Variants in AKAP3 observed in about 807,000 individuals in gnomAD.
AKAP3 encodes the protein A-kinase anchoring protein 3.
In AKAP3, 27 loss-of-function variants were observed where a neutral mutation model predicts 57.2. The observed-to-expected ratio is 0.47, with a 90% CI of 0.35 to 0.65. The LOEUF (loss-of-function observed/expected upper bound fraction) is 0.65. Ranked by LOEUF, AKAP3 falls within the 30% of genes least tolerant of loss-of-function variation. The pLI is 0.01. For synonymous variants in AKAP3, 334 were observed against 392.3 expected (o/e 0.85, Z 1.76); for missense variants, 959 against 1,040.0 (o/e 0.92, Z 1.07).
chr12:4,621,386 CCACT>C (rs1479300937), intron 5 of AKAP3, among the ~76,000 whole-genome samples: 1 of 152,188 alleles, frequency 6.6e-6, no homozygotes, highest in Non-Finnish European at 1.5e-5. Flanking sequence ...CATTCACTCA[CCACT>C]CAGTCACTCA....
intron 5 of AKAP3, among the ~76,000 whole-genome samples, chr12:4,618,207 C>T (rs920789644): frequency 6.6e-6 from 1 of 151,926 alleles, no homozygotes; most frequent in Non-Finnish European, 1.5e-5. Context: ...AAAATATAAC[C>T]CAAGTGTATG....
At position 4,628,446 on chromosome 12, in the gene AKAP3, G is replaced by A; in HGVS notation, c.456C>T (p.Asn152=). ...EINEKIDGSE[N]KCVYQSLYMG... is the part of the protein sequence containing the mutation. ...TGTACAATGACTGATAGACACATTTGTTTTCAGAGCCATCGATCTTCTCAT... is the reference window on the plus strand; with the variant it reads ...TGTACAATGACTGATAGACACATTTATTTTCAGAGCCATCGATCTTCTCAT... The change falls in exon 5 of 6, where the codon AAC becomes AAT. Residue 152 remains asparagine (N), a synonymous_variant. Transcript: ENST00000228850. 6.2e-7 allele frequency: 1 copy of A among 1,614,156 alleles called. No individual in the cohort carries two copies. The highest frequency in any genetic ancestry group is 2.2e-5 in the East Asian group (1 of 44,880).
At position 4,628,157 on chromosome 12, in the gene AKAP3, G is replaced by A. The variant is rs749375251; in HGVS notation, c.745C>T (p.Arg249Cys). 32 of 1,613,992 alleles carry A rather than the reference G, an allele frequency of 2.0e-5. No homozygotes were observed. The African/African-American group carries it at 2.8e-4, about 14-fold the overall frequency. ...CCCTCTCTGGCATAATCTCCATTAC[G>A]AGATTCAAACACTTCCTTATAGAAG... ...SFFYKEVFES[R>C]NGDYAREGGR... The change falls in exon 5 of 6, where the codon CGT becomes TGT. Residue 249 changes from arginine to cysteine, a missense_variant. Arg to Cys is a radical substitution (Grantham distance 180). Coordinates refer to ENST00000228850, the MANE Select transcript of AKAP3 (RefSeq NM_001278309.2).
At chr12:4,630,077 T>C (rs1174454570) in intron 4 of AKAP3, among the ~76,000 whole-genome samples, 1 of 152,212 alleles carries the variant, frequency 6.6e-6, no homozygotes, top group Non-Finnish European at 1.5e-5. Flanking sequence ...TATTATCAAA[T>C]GTAAAGAATC....
chr12:4,620,778 T>C (rs186510603), intron 5 of AKAP3, among the ~76,000 whole-genome samples: 12 of 152,336 alleles, frequency 7.9e-5, no homozygotes, highest in African/African-American at 2.9e-4. Context: ...GCCAGTTATA[T>C]AAAAGTCTAG....
At chr12:4,636,008 T>G in intron 4 of AKAP3, 3 of 1,487,870 alleles carry the variant, frequency 2.0e-6, no homozygotes, top group Non-Finnish European at 1.9e-6. Flanking sequence ...CCAATGGTAC[T>G]CTCTTGAAAT....
At chr12:4,640,875 G>T (rs943650116) in intron 3 of AKAP3, among the ~76,000 whole-genome samples, 3 of 152,030 alleles carry the variant, frequency 2.0e-5, no homozygotes, top group African/African-American at 7.2e-5. Flanking sequence ...GTTTTGGGTT[G>T]GGGAAACTTA....
intron 5 of AKAP3, among the ~76,000 whole-genome samples, chr12:4,620,689 T>C (rs571803900): frequency 6.6e-6 from 1 of 152,260 alleles, no homozygotes; most frequent in Admixed American, 6.5e-5. Context: ...TTTCTAGTGA[T>C]ATCATAGTTA....
At chr12:4,637,481 T>C (rs1411589519) in intron 4 of AKAP3, among the ~76,000 whole-genome samples, 3 of 152,196 alleles carry the variant, frequency 2.0e-5, no homozygotes, top group Non-Finnish European at 2.9e-5. Context: ...GCTTTCTGCA[T>C]TTGTTATTTC....
chr12:4,634,394 A>T (rs1945538916), intron 4 of AKAP3, among the ~76,000 whole-genome samples: 1 of 152,194 alleles, frequency 6.6e-6, no homozygotes, highest in Non-Finnish European at 1.5e-5. Flanking sequence ...GCAACTCTTA[A>T]ATATTACAGA....
intron 4 of AKAP3, among the ~76,000 whole-genome samples, chr12:4,629,725 AT>A (rs1772464497): frequency 1.3e-5 from 2 of 152,248 alleles, no homozygotes; most frequent in South Asian, 4.1e-4. Flanking sequence ...ATTAATTGCT[AT>A]TTTCTATGGT....
chr12:4,640,677 A>G (rs1945626131), intron 3 of AKAP3, among the ~76,000 whole-genome samples: 1 of 152,254 alleles, frequency 6.6e-6, no homozygotes, highest in African/African-American at 2.4e-5. Flanking sequence ...TCATTTTCAC[A>G]CAGGAATCAC....
chr12:4,635,652 T>A (rs876586), intron 4 of AKAP3: 190,127 of 776,494 alleles, frequency 0.24, 26,455 homozygotes, highest in Middle Eastern at 0.37. Context: ...TTAACCCAAT[T>A]TTTTGCTCTT....
At chr12:4,648,183 G>A (rs1448931140) in intron 1 of AKAP3, among the ~76,000 whole-genome samples, 4 of 152,190 alleles carry the variant, frequency 2.6e-5, no homozygotes. Flanking sequence ...GCTCTTTGTA[G>A]AACAATGCAG....
Position 4,626,744 on chromosome 12 carries a change from C to A in AKAP3, c.2158G>T (p.Ala720Ser). 6.2e-7 allele frequency: 1 copy of A among 1,614,058 alleles called. No individual in the cohort carries two copies. The highest frequency in any genetic ancestry group is 8.5e-7 in the Non-Finnish European group (1 of 1,180,008). ...GCTTCTGCTGACCCTGTGCCCTTGG[C>A]TGGTAAGCACTCATATAAACTATCT... ...FPDSLYECLP[A>S]KGTGSAEAVL... The change falls in exon 5 of 6, where the codon GCC (alanine) becomes TCC (serine). Residue 720 changes from alanine to serine, a missense_variant. Transcript: ENST00000228850.
rs566414743 is a variant in AKAP3, at chr12:4,617,651, C to T, written c.2407-1757G>A. Among the ~76,000 whole-genome samples, 725 of 150,716 alleles carry T rather than the reference C, an allele frequency of 4.8e-3. 3 individuals are homozygous for T. The highest frequency in any genetic ancestry group is 7.8e-3 in the Non-Finnish European group (529 of 67,880). On this transcript the variant is annotated intron_variant, in intron 5 of 5. Transcript: ENST00000228850. ...CCTGTAATCCCAGCTACTCGAGAGG[C>T]GGAGGCAAGAGAATTGCTTGAACCC...
At chr12:4,633,126 A>C (rs929566693) in intron 4 of AKAP3, among the ~76,000 whole-genome samples, 4 of 151,546 alleles carry the variant, frequency 2.6e-5, no homozygotes, top group South Asian at 4.2e-4. Context: ...TAAAAAAAAA[A>C]AAAACAAAAA....
chr12:4,629,668 T>C (rs753625269), intron 4 of AKAP3, among the ~76,000 whole-genome samples: 13 of 152,204 alleles, frequency 8.5e-5, no homozygotes, highest in Non-Finnish European at 1.8e-4. Flanking sequence ...ATCAGCTAGA[T>C]AGAAGAGTTA....
intron 4 of AKAP3, among the ~76,000 whole-genome samples, chr12:4,629,725 A>G (rs1482103060): frequency 6.6e-6 from 1 of 152,130 alleles, no homozygotes; most frequent in African/African-American, 2.4e-5. Flanking sequence ...ATTAATTGCT[A>G]TTTTCTATGG....
Sources: gnomAD v4.1 joint callset for allele counts (sites outside exome capture counted in the v4.1 genomes callset) on GRCh38, gnomAD v4.1.1 for gene constraint, MANE v1.5 for transcripts, NCBI Gene and HGNC (gene_info 2026-07-23, HGNC 2026-07-21) for gene names.